The following PDE4D variants were observed in gnomAD, a reference collection of about 807,000 sequenced individuals.
PDE4D encodes the protein phosphodiesterase 4D, also known as 3',5'-cyclic-AMP phosphodiesterase 4D.
Under a neutral mutation model 87.4 loss-of-function variants are expected in PDE4D, and 24 were observed. The ratio of observed to expected loss-of-function variants is 0.27; its 90% confidence interval spans 0.20 to 0.39. The LOEUF (loss-of-function observed/expected upper bound fraction) is 0.39. Ranked by LOEUF, PDE4D falls within the 10% of genes least tolerant of loss-of-function variation. The pLI is 1.00. For missense variants in PDE4D, 714 were observed against 1,041.0 expected (o/e 0.69, Z 4.32); for synonymous variants, 384 against 383.2 (o/e 1.00, Z -0.02).
At chr5:59,199,683 A>T (rs1348756778) in intron 2 of PDE4D, among the ~76,000 whole-genome samples, 1 of 152,074 alleles carries the variant, frequency 6.6e-6, no homozygotes, top group Admixed American at 6.6e-5. Context: ...GAATATAAAA[A>T]TATTTCTGGG....
intron 1 of PDE4D, among the ~76,000 whole-genome samples, chr5:59,712,152 G>A (rs1754285699): frequency 6.6e-6 from 1 of 151,782 alleles, no homozygotes; most frequent in Non-Finnish European, 1.5e-5. Flanking sequence ...ACTGATATCA[G>A]AAGGCTAAAA....
At chr5:60,504,205 G>C (rs1308769873) in intron 1 of PDE4D, among the ~76,000 whole-genome samples, 1 of 151,726 alleles carries the variant, frequency 6.6e-6, no homozygotes, top group East Asian at 1.9e-4. Flanking sequence ...TTTATGTTTT[G>C]AATGTATTAT....
chr5:59,039,118 C>G, intron 5 of PDE4D, 147 bp from the exon 6 acceptor site: 1 of 1,385,984 alleles, frequency 7.2e-7, no homozygotes, highest in South Asian at 1.6e-5. Flanking sequence ...ATTGCCCAGC[C>G]CGGCAGTGCA....
At chr5:60,035,726 T>G (rs1767722755) in intron 2 of PDE4D, among the ~76,000 whole-genome samples, 1 of 152,166 alleles carries the variant, frequency 6.6e-6, no homozygotes, top group Admixed American at 6.5e-5. Context: ...CAACATTATA[T>G]CAAATGACCA....
rs1561615664 is a variant in PDE4D at position 59,762,350 on chromosome 5, A to ATATGTGTATATGGGTACACATGTG, written c.455+130817_455+130818insCACATGTGTACCCATATACACATA. Among the ~76,000 whole-genome samples, 61 of 61,106 alleles carry ATATGTGTATATGGGTACACATGTG rather than the reference A, an allele frequency of 1.0e-3. 4 individuals carry two copies. The highest frequency in any genetic ancestry group is 1.8e-3 in the Admixed American group (13 of 7,184). The allele number at this position is 61,106 out of a possible 152,430, so 40.1% of individuals were successfully genotyped here. On this transcript the variant is annotated intron_variant, in intron 1 of 14. Coordinates refer to ENST00000340635, the MANE Select transcript of PDE4D (RefSeq NM_001104631.2). ...TATGCGTATATGGGTACACATATGC[A>ATATGTGTATATGGGTACACATGTG]TATATGTGTATATGGGTACACATGT...
intron 1 of PDE4D, among the ~76,000 whole-genome samples, chr5:59,736,849 G>A (rs1758140812): frequency 2.0e-5 from 3 of 152,086 alleles, no homozygotes; most frequent in African/African-American, 7.2e-5. Flanking sequence ...AACATTTGAA[G>A]AATAATTATT....
intron 2 of PDE4D, among the ~76,000 whole-genome samples, chr5:60,080,554 C>T (rs1773816599): frequency 6.6e-6 from 1 of 152,130 alleles, no homozygotes; most frequent in Non-Finnish European, 1.5e-5. Context: ...AGAAATGTTC[C>T]ATCAATACCT....
At chr5:59,707,261 T>C (rs1337067516) in intron 1 of PDE4D, among the ~76,000 whole-genome samples, 2 of 152,190 alleles carry the variant, frequency 1.3e-5, no homozygotes, top group African/African-American at 4.8e-5. Context: ...TTGATTTTTA[T>C]AACTCTTCGT....
chr5:59,079,833 AGGAGGGGAGAGGAGG>A (rs1766369885), intron 5 of PDE4D, among the ~76,000 whole-genome samples: 1 of 106,070 alleles, frequency 9.4e-6, no homozygotes, highest in Non-Finnish European at 1.8e-5. Flanking sequence ...AGGAAAGGAA[AGGAGGGGAGAGGAGG>A]GGAGAGGAGA....
chr5:60,415,839 G>A (rs916818363), intron 1 of PDE4D, among the ~76,000 whole-genome samples: 11 of 152,258 alleles, frequency 7.2e-5, no homozygotes, highest in African/African-American at 2.2e-4. Flanking sequence ...TCCACCTGCC[G>A]CCCGGTGCGG....
chr5:59,485,632 T>C (rs1463433293), intron 1 of PDE4D, among the ~76,000 whole-genome samples: 1 of 151,924 alleles, frequency 6.6e-6, no homozygotes. Flanking sequence ...TAAAATAAGT[T>C]ATACACAATC....
At chr5:59,009,874 T>C (rs1302568705) in intron 6 of PDE4D, among the ~76,000 whole-genome samples, 3 of 152,128 alleles carry the variant, frequency 2.0e-5, no homozygotes, top group African/African-American at 7.2e-5. Context: ...CAAAGATAAA[T>C]GCAAAACAAA....
At chr5:59,570,646 C>CA (rs35457740) in intron 1 of PDE4D, among the ~76,000 whole-genome samples, 10,660 of 147,060 alleles carry the variant, frequency 0.072, 670 homozygotes, top group African/African-American at 0.18. Flanking sequence ...GACAAATATG[C>CA]AAAAAAAAAA....
intron 3 of PDE4D, among the ~76,000 whole-genome samples, chr5:59,968,733 T>C (rs1418733904): frequency 6.6e-6 from 1 of 152,180 alleles, no homozygotes; most frequent in African/African-American, 2.4e-5. Flanking sequence ...ATATTTGATC[T>C]TGGTTCTTTC....
chr5:60,192,898 CA>C (rs1454103677), intron 1 of PDE4D, among the ~76,000 whole-genome samples: 1 of 152,170 alleles, frequency 6.6e-6, no homozygotes, highest in Non-Finnish European at 1.5e-5. Flanking sequence ...AGAGGACATA[CA>C]AAAGTGCTAG....
At chr5:59,339,927 T>C (rs76193961) in intron 1 of PDE4D, among the ~76,000 whole-genome samples, 1 of 152,174 alleles carries the variant, frequency 6.6e-6, no homozygotes, top group Non-Finnish European at 1.5e-5. Context: ...TGGGTTTTTT[T>C]GTTGTTTTGT....
intron 2 of PDE4D, among the ~76,000 whole-genome samples, chr5:60,182,726 A>C (rs944080084): frequency 4.6e-5 from 7 of 151,730 alleles, no homozygotes; most frequent in Non-Finnish European, 7.4e-5. Flanking sequence ...AAAATGCCAA[A>C]AAAATTAGCC....
chr5:59,331,544 G>T (rs1304622211), intron 1 of PDE4D, among the ~76,000 whole-genome samples: 1 of 152,156 alleles, frequency 6.6e-6, no homozygotes, highest in Non-Finnish European at 1.5e-5. Flanking sequence ...TTCAGCATAT[G>T]ACTTTGGGTG....
chr5:59,952,348 C>T (rs759096330), intron 3 of PDE4D, among the ~76,000 whole-genome samples: 16 of 152,042 alleles, frequency 1.1e-4, no homozygotes, highest in Non-Finnish European at 1.5e-4. Flanking sequence ...ATCCACAGTC[C>T]GTAAAATTCT....
Sources: gnomAD v4.1 joint callset for allele counts (sites outside exome capture counted in the v4.1 genomes callset) on GRCh38, gnomAD v4.1.1 for gene constraint, MANE v1.5 for transcripts, NCBI Gene and HGNC (gene_info 2026-07-23, HGNC 2026-07-21) for gene names.